Variants in TMEM182 observed in about 807,000 individuals in gnomAD.
TMEM182 encodes the protein transmembrane protein 182.
A neutral mutation model predicts 26.8 loss-of-function variants in TMEM182; 20 were observed. The observed-to-expected ratio is 0.75, with a 90% CI of 0.53 to 1.09. The LOEUF (loss-of-function observed/expected upper bound fraction) is 1.09. Among genes scored for constraint, TMEM182 ranks in the 50% least tolerant of loss-of-function variants. TMEM182 has a pLI of 0.00. For missense variants in TMEM182, 277 were observed against 275.5 expected (o/e 1.01, Z -0.04); for synonymous variants, 109 against 102.2 (o/e 1.07, Z -0.40).
intron 3 of TMEM182, chr2:102,775,021 T>A (rs1680850789): frequency 6.6e-6 from 1 of 152,244 alleles, no homozygotes; most frequent in Non-Finnish European, 1.5e-5. Flanking sequence ...CAAAAAATCT[T>A]GCTGACACTT....
intron 3 of TMEM182, among the ~76,000 whole-genome samples, chr2:102,785,855 G>A (rs1333630503): frequency 6.6e-6 from 1 of 152,066 alleles, no homozygotes; most frequent in African/African-American, 2.4e-5. Context: ...TGAAGACTCA[G>A]GGGTCCTAGA....
chr2:102,783,330 A>G (rs944673088), intron 3 of TMEM182, among the ~76,000 whole-genome samples: 5 of 152,238 alleles, frequency 3.3e-5, no homozygotes, highest in African/African-American at 1.2e-4. Context: ...TATGCAGTTC[A>G]TTATCAAAAA....
chr2:102,760,030 T>C (rs183828335), upstream of TMEM182, among the ~76,000 whole-genome samples: 2 of 152,308 alleles, frequency 1.3e-5, no homozygotes, highest in South Asian at 2.1e-4. Context: ...GGCATGAACA[T>C]TGTTGTGAGG....
At chr2:102,764,075 G>C (rs974028988) in intron 2 of TMEM182, among the ~76,000 whole-genome samples, 1 of 152,130 alleles carries the variant, frequency 6.6e-6, no homozygotes, top group Non-Finnish European at 1.5e-5. Flanking sequence ...GATATAAAGG[G>C]CATTTGCATT....
upstream of TMEM182, chr2:102,758,603 G>C: frequency 1.5e-6 from 1 of 656,570 alleles, no homozygotes; most frequent in Non-Finnish European, 2.8e-6. Context: ...CAAGTACCAA[G>C]CTGGGCCAGA....
At chr2:102,800,797 TTGTGTGTGTGTGTGTGTGTGTGTGTG>T (rs71378190) in intron 4 of TMEM182, among the ~76,000 whole-genome samples, 1 of 137,788 alleles carries the variant, frequency 7.3e-6, no homozygotes, top group African/African-American at 2.7e-5. Context: ...TTTGGACAGT[TTGTGTGTGTGTGTGTGTGTGTGTGTG>T]TGTGTGTGTG....
At chr2:102,783,823 A>G (rs1016666158) in intron 3 of TMEM182, among the ~76,000 whole-genome samples, 3 of 152,204 alleles carry the variant, frequency 2.0e-5, no homozygotes, top group Admixed American at 6.5e-5. Context: ...AGCAATGATC[A>G]TGTTTCTTGA....
chr2:102,757,960 G>A (rs564425917), upstream of TMEM182, among the ~76,000 whole-genome samples: 1 of 152,288 alleles, frequency 6.6e-6, no homozygotes, highest in African/African-American at 2.4e-5. Flanking sequence ...ACTATCATGA[G>A]AGCAGCAAGG....
rs911093376 is a variant in TMEM182 at position 102,737,028 on chromosome 2, G to C, written c.-83+15G>C. 9.1e-6 allele frequency: 5 copies of C among 548,636 alleles called. No homozygotes were observed. In the Admixed American group the frequency reaches 1.1e-4, roughly 12 times the overall value. 34.0% of individuals were successfully genotyped at this position (548,636 alleles called of 1,614,324 possible). On this transcript the variant is annotated intron_variant, in intron 1 of 5. Coordinates refer to the TMEM182 transcript ENST00000409173. ...TCATCAATACGGTAAGCACACACCA[G>C]TTTGTGATGATAATGATGATGCTCT... is the stretch of plus-strand genomic sequence containing the variant.
At chr2:102,811,922 A>G (rs1406724799) in intron 4 of TMEM182, among the ~76,000 whole-genome samples, 1 of 152,186 alleles carries the variant, frequency 6.6e-6, no homozygotes, top group Non-Finnish European at 1.5e-5. Flanking sequence ...AGATCTGGAC[A>G]CTTGGTATAC....
rs563378992 is a variant in TMEM182 at position 102,835,491 on chromosome 2, G to A, written c.326-7921G>A. Among the ~76,000 whole-genome samples, 7 of 152,128 alleles carry A rather than the reference G, an allele frequency of 4.6e-5. 1 individual carries two copies. In the South Asian group the frequency reaches 1.0e-3, roughly 23 times the overall value. ...AACCACCCAAGGTCCATAGTTTACT[G>A]AGGGTTTACTCTTGGTGCTGTACAG... On this transcript the variant is annotated intron_variant, in intron 3 of 3. Transcript: ENST00000486293.
intron 3 of TMEM182, among the ~76,000 whole-genome samples, chr2:102,792,565 T>C (rs2104717947): frequency 6.6e-6 from 1 of 152,372 alleles, no homozygotes; most frequent in Admixed American, 6.5e-5. Flanking sequence ...TATGACTGCA[T>C]ATTTTAATTC....
Position 102,814,838 on chromosome 2 carries a change from A to T in TMEM182, c.560A>T (p.Asp187Val). 1 of 1,613,872 alleles carries T rather than the reference A, an allele frequency of 6.2e-7. No individual in the cohort carries two copies. Among genetic ancestry groups the T allele is most frequent in the South Asian group, 1.1e-5 (1 of 91,068 alleles). ...MESYRNMKMK[D>V]CLDFTPSVLY... The stretch of plus-strand genomic sequence containing the variant: ...AGCTACCGAAACATGAAAATGAAGG[A>T]CTGCCTGGATTTCACCCCTTCTGTT... The change falls in exon 5 of 5, where the codon GAC becomes GTC. Residue 187 changes from aspartate (D) to valine (V), a missense_variant. Transcript: ENST00000412401.
chr2:102,739,053 G>T (rs961688491), intron 1 of TMEM182, among the ~76,000 whole-genome samples: 24 of 152,216 alleles, frequency 1.6e-4, no homozygotes, highest in African/African-American at 4.6e-4. Flanking sequence ...GTTTTGAAAA[G>T]ATTTGCGATT....
chr2:102,750,470 A>T (rs1261886235), intron 1 of TMEM182, among the ~76,000 whole-genome samples: 1 of 152,108 alleles, frequency 6.6e-6, no homozygotes, highest in Non-Finnish European at 1.5e-5. Context: ...GCAAACGTAC[A>T]CCTTCCCAGA....
chr2:102,839,471 A>ATATATATATATATATG (rs1553446276), intron 3 of TMEM182, among the ~76,000 whole-genome samples: 1 of 134,888 alleles, frequency 7.4e-6, no homozygotes, highest in African/African-American at 2.8e-5. Context: ...ATATATATAT[A>ATATATATATATATATG]ATATATACAC....
intron 2 of TMEM182, among the ~76,000 whole-genome samples, chr2:102,763,677 A>G (rs1680305839): frequency 6.6e-6 from 1 of 152,212 alleles, no homozygotes; most frequent in Non-Finnish European, 1.5e-5. Context: ...AATGGTTTAG[A>G]CTTTAGTAAA....
At chr2:102,822,502 G>T (rs1006424921), downstream of TMEM182, among the ~76,000 whole-genome samples, 19 of 152,174 alleles carry the variant, frequency 1.2e-4, no homozygotes, top group Admixed American at 1.2e-3. Flanking sequence ...GTTGGTGATG[G>T]TGACTACAGA....
intron 3 of TMEM182, among the ~76,000 whole-genome samples, chr2:102,787,103 C>T (rs894699230): frequency 1.3e-5 from 2 of 152,224 alleles, no homozygotes; most frequent in African/African-American, 4.8e-5. Flanking sequence ...CTACACGTTC[C>T]TGCCTTTAGT....
Sources: gnomAD v4.1 joint callset for allele counts (sites outside exome capture counted in the v4.1 genomes callset) on GRCh38, gnomAD v4.1.1 for gene constraint, MANE v1.5 for transcripts, NCBI Gene and HGNC (gene_info 2026-07-23, HGNC 2026-07-21) for gene names.